DLG2: variants seen among roughly 807,000 people sequenced by gnomAD.
DLG2 encodes the protein disks large homolog 2.
DLG2 carries 45 observed loss-of-function variants against 132.5 expected under a neutral mutation model. The observed-to-expected ratio is 0.34, with a 90% CI of 0.27 to 0.44. DLG2 has a LOEUF of 0.44. Among genes scored for constraint, DLG2 ranks in the 20% least tolerant of loss-of-function variants. The pLI, the probability that DLG2 is intolerant of heterozygous loss-of-function variation, is 1.00. For synonymous variants in DLG2, 424 were observed against 419.6 expected, an observed-to-expected ratio of 1.01 and a Z score of -0.13; for missense variants, 1,045 against 1,196.9, an observed-to-expected ratio of 0.87 and a Z score of 1.87.
At chr11:85,246,105 C>A (rs942864086) in intron 4 of DLG2, among the ~76,000 whole-genome samples, 2 of 151,722 alleles carry the variant, frequency 1.3e-5, no homozygotes, top group Non-Finnish European at 2.9e-5. Context: ...TCTATAGCAC[C>A]ATGATCCTAC....
chr11:83,677,909 T>C (rs1002819179), intron 18 of DLG2, among the ~76,000 whole-genome samples: 2 of 152,212 alleles, frequency 1.3e-5, no homozygotes, highest in African/African-American at 2.4e-5. Context: ...GACTTGACTC[T>C]TCCTACAGGC....
At chr11:83,591,637 G>T (rs1378595806) in intron 19 of DLG2, among the ~76,000 whole-genome samples, 5 of 101,892 alleles carry the variant, frequency 4.9e-5, no homozygotes, top group Non-Finnish European at 1.0e-4. Flanking sequence ...GGAAGTTCTG[G>T]CCAGGGCAAT....
intron 6 of DLG2, among the ~76,000 whole-genome samples, chr11:85,027,381 T>C (rs1592909881): frequency 6.6e-6 from 1 of 152,150 alleles, no homozygotes; most frequent in Non-Finnish European, 1.5e-5. Context: ...GCTATAATTG[T>C]CACGGGACCC....
At chr11:85,013,984 G>T (rs2059365038) in intron 6 of DLG2, among the ~76,000 whole-genome samples, 1 of 152,052 alleles carries the variant, frequency 6.6e-6, no homozygotes, top group Admixed American at 6.6e-5. Context: ...TGTCATGTTA[G>T]CACTTTATTA....
At chr11:84,401,189 G>C (rs1298291095) in intron 7 of DLG2, among the ~76,000 whole-genome samples, 1 of 152,116 alleles carries the variant, frequency 6.6e-6, no homozygotes, top group East Asian at 1.9e-4. Context: ...GACCTGCATA[G>C]ACCAGCTTCC....
chr11:83,646,357 C>CAGAGTGAGAGAG (rs113642329), intron 18 of DLG2, among the ~76,000 whole-genome samples: 28 of 126,222 alleles, frequency 2.2e-4, no homozygotes, highest in African/African-American at 7.2e-4. Flanking sequence ...AGATATGAAA[C>CAGAGTGAGAGAG]AGAGAGAGAG....
chr11:84,511,862 A>G (rs1300199302), intron 7 of DLG2, among the ~76,000 whole-genome samples: 1 of 152,160 alleles, frequency 6.6e-6, no homozygotes, highest in Non-Finnish European at 1.5e-5. Flanking sequence ...GGGCCTTAGA[A>G]TGTAGATTTA....
At chr11:84,180,622 C>A (rs1368033090) in intron 8 of DLG2, among the ~76,000 whole-genome samples, 9 of 152,086 alleles carry the variant, frequency 5.9e-5, no homozygotes, top group Admixed American at 2.6e-4. Context: ...TCTAGGCATA[C>A]CATATTCAAA....
In DLG2 at chr11:85,185,039, C is replaced by G. The variant is rs889084955; in HGVS notation, c.187-30388G>C. Among the ~76,000 whole-genome samples the G allele has an allele frequency of 6.6e-5, 10 of 151,836 alleles. 1 individual carries two copies. Among genetic ancestry groups the G allele is most frequent in the Non-Finnish European group, 7.4e-5 (5 of 67,888 alleles). ...AAAACATCCCCCAAATAGCACTTAC[C>G]TATAAGCATTGAAGTGTTTTCATTA... On this transcript the variant is annotated intron_variant, in intron 4 of 27. Transcript: ENST00000376104.
chr11:85,132,948 G>A (rs2075845099), intron 5 of DLG2: 1 of 417,000 alleles, frequency 2.4e-6, no homozygotes, highest in Admixed American at 2.6e-5. Context: ...TGGGAAACTC[G>A]AGCCCTCCTC....
chr11:83,697,665 G>A (rs758347554), intron 18 of DLG2, among the ~76,000 whole-genome samples: 3 of 152,090 alleles, frequency 2.0e-5, no homozygotes, highest in Non-Finnish European at 4.4e-5. Context: ...TTATGTCTTC[G>A]GGGCATGGCA....
At position 85,614,331 on chromosome 11, in the gene DLG2, T is replaced by TA. The variant is rs1565764687; in HGVS notation, c.-93+12255_-93+12256insT. ...TCTTGAACCAGGTTTTTTTTTTTTT[T>TA]TAAAAATTAACATTAAAATGTATAG... On this transcript the variant is annotated intron_variant, in intron 2 of 27. Coordinates refer to ENST00000376104, the MANE Select transcript of DLG2 (RefSeq NM_001142699.3). 6.4e-3 allele frequency among the ~76,000 whole-genome samples: 895 copies of TA among 138,826 alleles called. 9 individuals carry two copies. Among genetic ancestry groups the TA allele is most frequent in the African/African-American group, 0.028 (823 of 29,334 alleles). 91.1% of individuals were successfully genotyped at this position (138,826 alleles called of 152,430 possible).
intron 6 of DLG2, among the ~76,000 whole-genome samples, chr11:85,027,633 C>T (rs1159524509): frequency 6.6e-6 from 1 of 152,246 alleles, no homozygotes. Flanking sequence ...GCTGCTGTGG[C>T]AAGGCAGACA....
At chr11:85,044,635 C>A (rs1022299968) in intron 6 of DLG2, among the ~76,000 whole-genome samples, 1 of 151,846 alleles carries the variant, frequency 6.6e-6, no homozygotes, top group Non-Finnish European at 1.5e-5. Flanking sequence ...ATATAACTAC[C>A]ACTGGAGCCC....
intron 15 of DLG2, among the ~76,000 whole-genome samples, chr11:83,890,910 T>C (rs2069615169): frequency 1.3e-5 from 2 of 152,126 alleles, no homozygotes; most frequent in South Asian, 4.1e-4. Flanking sequence ...CAGGACAACT[T>C]CCATGCTTCT....
At chr11:84,058,323 T>C (rs1394595504) in intron 11 of DLG2, among the ~76,000 whole-genome samples, 1 of 151,844 alleles carries the variant, frequency 6.6e-6, no homozygotes, top group Non-Finnish European at 1.5e-5. Context: ...CTACTTAATG[T>C]CATCATTCTG....
rs187730478 is a variant in DLG2 at position 83,517,943 on chromosome 11, C to T, written c.2193+14765G>A. 6.9e-3 allele frequency among the ~76,000 whole-genome samples: 1,050 copies of T among 152,278 alleles called. 18 individuals carry two copies. The highest frequency in any genetic ancestry group is 0.024 in the African/African-American group (1,017 of 41,546). On this transcript the variant is annotated intron_variant, in intron 21 of 27. Coordinates refer to ENST00000376104, the MANE Select transcript of DLG2 (RefSeq NM_001142699.3). ...TCAGTCTGCCCTTACTGGGGGGTGA[C>T]TCCCAGTTAGGCTACTCGGGGGTCA...
At chr11:84,742,709 T>C (rs1448162844) in intron 6 of DLG2, among the ~76,000 whole-genome samples, 1 of 152,186 alleles carries the variant, frequency 6.6e-6, no homozygotes, top group Admixed American at 6.5e-5. Flanking sequence ...GTACATTCTG[T>C]GGGTTTGGAT....
intron 6 of DLG2, among the ~76,000 whole-genome samples, chr11:84,717,637 G>A (rs2061373916): frequency 1.3e-5 from 2 of 152,018 alleles, no homozygotes; most frequent in South Asian, 4.1e-4. Flanking sequence ...ATAGAGCAAA[G>A]AAAAATAACT....
Sources: allele counts gnomAD v4.1 joint callset (sites outside exome capture counted in the v4.1 genomes callset), GRCh38; gene constraint gnomAD v4.1.1; transcripts MANE v1.5; gene names NCBI Gene and HGNC (gene_info 2026-07-23, HGNC 2026-07-21).